The following RGL1 variants were observed in gnomAD, a reference collection of about 807,000 sequenced individuals.
The protein encoded by RGL1 is ral guanine nucleotide dissociation stimulator-like 1.
Under a neutral mutation model 95.2 loss-of-function variants are expected in RGL1, and 24 were observed. The ratio of observed to expected loss-of-function variants is 0.25; its 90% CI spans 0.18 to 0.35. The LOEUF is 0.35. Ranked by LOEUF, RGL1 falls within the 10% of genes least tolerant of loss-of-function variation. The probability of loss-of-function intolerance (pLI) is 1.00; values close to 1 mark genes in which losing one functional copy is unlikely to be tolerated. For missense variants in RGL1, 715 were observed against 936.3 expected (o/e 0.76, Z 3.08); for synonymous variants, 329 against 344.9 (o/e 0.95, Z 0.51).
chr1:183,876,319 C>A (rs559290159), intron 4 of RGL1, among the ~76,000 whole-genome samples: 22 of 152,290 alleles, frequency 1.4e-4, no homozygotes, highest in African/African-American at 4.3e-4. Flanking sequence ...GTCTTCCTTC[C>A]CCTATAGACG....
At chr1:183,770,625 C>T (rs142683318) in intron 2 of RGL1, among the ~76,000 whole-genome samples, 1 of 152,008 alleles carries the variant, frequency 6.6e-6, no homozygotes. Flanking sequence ...AGAAATGTAA[C>T]CATATGTGGG....
intron 1 of RGL1, among the ~76,000 whole-genome samples, chr1:183,689,824 A>G (rs1440742389): frequency 6.6e-6 from 1 of 152,182 alleles, no homozygotes; most frequent in Non-Finnish European, 1.5e-5. Flanking sequence ...TGATTATGCA[A>G]TAAAAAACAT....
upstream of RGL1, among the ~76,000 whole-genome samples, chr1:183,803,720 T>C (rs930404899): frequency 3.9e-5 from 6 of 152,200 alleles, no homozygotes; most frequent in Non-Finnish European, 7.3e-5. Flanking sequence ...GTTGTTTAAC[T>C]GTCCTCAGTT....
intron 2 of RGL1, among the ~76,000 whole-genome samples, chr1:183,771,613 T>C (rs2102330827): frequency 6.6e-6 from 1 of 152,328 alleles, no homozygotes; most frequent in African/African-American, 2.4e-5. Flanking sequence ...TTTAAACTCA[T>C]CCTTCCTTTT....
At chr1:183,642,038 T>A (rs1649958355) in intron 1 of RGL1, among the ~76,000 whole-genome samples, 1 of 151,902 alleles carries the variant, frequency 6.6e-6, no homozygotes, top group Non-Finnish European at 1.5e-5. Context: ...AACATTGAAA[T>A]CAACTTTTTC....
chr1:183,669,548 GT>G, intron 1 of RGL1, among the ~76,000 whole-genome samples: 1 of 152,124 alleles, frequency 6.6e-6, no homozygotes, highest in Admixed American at 6.6e-5. Flanking sequence ...TTTAAACTGT[GT>G]TTTTTGTCTT....
chr1:183,772,017 C>G (rs978359624), intron 2 of RGL1, among the ~76,000 whole-genome samples: 1 of 152,204 alleles, frequency 6.6e-6, no homozygotes, highest in Admixed American at 6.5e-5. Flanking sequence ...CGGAGTTTGG[C>G]CAGGGCAGTC....
intron 2 of RGL1, among the ~76,000 whole-genome samples, chr1:183,766,888 T>C (rs1658995730): frequency 6.6e-6 from 1 of 152,018 alleles, no homozygotes; most frequent in Non-Finnish European, 1.5e-5. Flanking sequence ...CAAATGGCTA[T>C]CCATAGAACC....
intron 1 of RGL1, among the ~76,000 whole-genome samples, chr1:183,655,485 G>A (rs1056679212): frequency 7.2e-5 from 11 of 152,170 alleles, no homozygotes; most frequent in Non-Finnish European, 1.3e-4. Context: ...GTGATAAAAG[G>A]AACTGAATTT....
Position 183,687,227 on chromosome 1 carries a change from T to A in RGL1, c.-33+50726T>A, listed in dbSNP as rs576360446. ...GATCTATTGTCTGTCTTACTTTCCT[T>A]CTAGAATGTAAGCTCTGCAAGGCAG... is the stretch of plus-strand genomic sequence containing the variant. On this transcript the variant is annotated intron_variant, in intron 1 of 18. Transcript: ENST00000304685. Among the ~76,000 whole-genome samples the A allele has an allele frequency of 3.3e-5, 5 of 152,302 alleles. No homozygotes were observed. The South Asian group carries it at 8.3e-4, about 25-fold the overall frequency.
intron 1 of RGL1, among the ~76,000 whole-genome samples, chr1:183,713,581 A>G (rs890000243): frequency 2.6e-5 from 4 of 152,040 alleles, no homozygotes; most frequent in Non-Finnish European, 5.9e-5. Flanking sequence ...ACTCTGATGA[A>G]TGTGATTAAA....
chr1:183,774,579 T>C (rs1296524195), intron 2 of RGL1, among the ~76,000 whole-genome samples: 2 of 145,416 alleles, frequency 1.4e-5, no homozygotes, highest in African/African-American at 5.0e-5. Flanking sequence ...TTTTCCTTTT[T>C]TTTTTTTTTT....
rs59912489 is a variant in RGL1, at chr1:183,833,964, G to GTTTTT, written c.139-13591_139-13587dup. ...GATGAAATGAGCCATATCTCTCTCT[G>GTTTTT]TTTTTTTTTTTTTTTAGCATAGCAG... On this transcript the variant is annotated intron_variant, in intron 2 of 17. Transcript: ENST00000360851. 2.1e-3 allele frequency among the ~76,000 whole-genome samples: 295 copies of GTTTTT among 140,572 alleles called. 5 individuals are homozygous for GTTTTT. Among genetic ancestry groups the GTTTTT allele is most frequent in the Middle Eastern group, 7.5e-3 (2 of 266 alleles). The allele number at this position is 140,572 out of a possible 152,430, so 92.2% of individuals were successfully genotyped here.
intron 1 of RGL1, among the ~76,000 whole-genome samples, chr1:183,708,886 C>T (rs945177939): frequency 6.6e-6 from 1 of 152,210 alleles, no homozygotes; most frequent in East Asian, 1.9e-4. Context: ...ACCGGGGCCC[C>T]TTCCAGATTT....
upstream of RGL1, among the ~76,000 whole-genome samples, chr1:183,803,988 T>C (rs1661134454): frequency 6.6e-6 from 1 of 152,208 alleles, no homozygotes; most frequent in South Asian, 2.1e-4. Flanking sequence ...TAGGTTCTGG[T>C]TGTATGGGGA....
chr1:183,807,882 G>A (rs1375371428), intron 2 of RGL1, among the ~76,000 whole-genome samples: 6 of 152,194 alleles, frequency 3.9e-5, no homozygotes, highest in Non-Finnish European at 7.4e-5. Context: ...CAGAACTAGA[G>A]TTCTGACAAG....
chr1:183,922,351 G>A lies in RGL1; in HGVS notation c.2119+15G>A, dbSNP rs768130540. 4.4e-6 allele frequency: 7 copies of A among 1,592,540 alleles called. No homozygotes were observed. Among genetic ancestry groups the A allele is most frequent in the East Asian group, 2.3e-5 (1 of 44,384 alleles). On this transcript the variant is annotated intron_variant, in intron 17 of 17. Coordinates refer to ENST00000360851, the MANE Select transcript of RGL1 (RefSeq NM_001297671.3). ...GGAGGACAAAGGTGGGCATCCTTCC[G>A]AGACAGGCATGTTCCTTCCCAGGGC...
chr1:183,912,881 G>A (rs1041173323), intron 15 of RGL1, among the ~76,000 whole-genome samples: 6 of 152,144 alleles, frequency 3.9e-5, no homozygotes, highest in Admixed American at 1.3e-4. Flanking sequence ...TACTTGAGTC[G>A]TATCAACCAA....
chr1:183,859,592 G>C (rs1302156328), intron 3 of RGL1, among the ~76,000 whole-genome samples: 4 of 152,144 alleles, frequency 2.6e-5, no homozygotes, highest in African/African-American at 9.7e-5. Context: ...GAACAAGGAA[G>C]GTGCAGTGTC....
Sources: gnomAD v4.1 joint callset for allele counts (sites outside exome capture counted in the v4.1 genomes callset) on GRCh38, gnomAD v4.1.1 for gene constraint, MANE v1.5 for transcripts, NCBI Gene and HGNC (gene_info 2026-07-23, HGNC 2026-07-21) for gene names.